Variants in NRIP1 observed in about 807,000 individuals in gnomAD.
NRIP1 encodes the protein nuclear receptor-interacting protein 1.
NRIP1 carries 28 observed loss-of-function variants against 75.0 expected under a neutral mutation model. That is an observed-to-expected ratio of 0.37 (90% confidence interval 0.28 to 0.51). NRIP1 has a LOEUF of 0.51. Ranked by LOEUF, NRIP1 falls within the 20% of genes least tolerant of loss-of-function variation. NRIP1 has a pLI of 0.92. For synonymous variants in NRIP1, 526 were observed against 487.6 expected (o/e 1.08, Z -1.04); for missense variants, 1,435 against 1,343.7 (o/e 1.07, Z -1.06).
chr21:15,059,481 T>TA (rs2089377601), intron 1 of NRIP1, among the ~76,000 whole-genome samples: 1 of 152,038 alleles, frequency 6.6e-6, no homozygotes, highest in African/African-American at 2.4e-5. Flanking sequence ...TTACTATTAT[T>TA]ATTTTTTTTT....
intron 3 of NRIP1, among the ~76,000 whole-genome samples, chr21:15,000,648 A>G (rs547243246): frequency 4.6e-5 from 7 of 152,290 alleles, no homozygotes; most frequent in African/African-American, 1.7e-4. Context: ...AACTGTAAGT[A>G]AAAAGAGTTT....
intron 3 of NRIP1, among the ~76,000 whole-genome samples, chr21:15,012,447 CTTTTT>C (rs869160226): frequency 0.098 from 7,781 of 79,034 alleles, 156 homozygotes; most frequent in African/African-American, 0.23. Context: ...ATTATAATGT[CTTTTT>C]TTTTTTTTTT....
chr21:15,064,538 C>T (rs1162447682), intron 1 of NRIP1, among the ~76,000 whole-genome samples: 4 of 151,938 alleles, frequency 2.6e-5, no homozygotes, highest in Non-Finnish European at 5.9e-5. Context: ...AACTTGCCGG[C>T]CCGCCGCCCC....
chr21:14,993,668 C>G (rs958017530), intron 3 of NRIP1, among the ~76,000 whole-genome samples: 1 of 151,680 alleles, frequency 6.6e-6, no homozygotes, highest in Non-Finnish European at 1.5e-5. Context: ...GCCTGTTGTC[C>G]CAGCTTCTTG....
chr21:14,970,550 CAAACA>C (rs1457893143), intron 3 of NRIP1, among the ~76,000 whole-genome samples: 1 of 152,060 alleles, frequency 6.6e-6, no homozygotes, highest in African/African-American at 2.4e-5. Context: ...TATCTCAAAA[CAAACA>C]AAACAAAAAT....
chr21:14,993,970 A>T (rs2087644334), intron 3 of NRIP1, among the ~76,000 whole-genome samples: 1 of 152,158 alleles, frequency 6.6e-6, no homozygotes, highest in Admixed American at 6.5e-5. Context: ...TTCCTGACAG[A>T]TTCTGACATC....
chr21:14,988,497 A>ATGTGTGTGTGTG (rs1370123141), intron 3 of NRIP1, among the ~76,000 whole-genome samples: 2 of 141,784 alleles, frequency 1.4e-5, no homozygotes, highest in South Asian at 2.2e-4. Context: ...TAGTATATAT[A>ATGTGTGTGTGTG]TATGTGTGTG....
intron 2 of NRIP1, among the ~76,000 whole-genome samples, chr21:15,037,797 GTCTTA>G (rs1177952417): frequency 6.6e-6 from 1 of 152,138 alleles, no homozygotes; most frequent in Non-Finnish European, 1.5e-5. Flanking sequence ...AATAGGACTT[GTCTTA>G]TCTTGTGAGC....
intron 3 of NRIP1, among the ~76,000 whole-genome samples, chr21:14,996,290 T>C (rs1003396645): frequency 4.6e-5 from 7 of 152,304 alleles, no homozygotes; most frequent in Admixed American, 2.0e-4. Context: ...ATGTGGCTTG[T>C]GGCTCGTAGC....
chr21:15,019,792 A>T (rs1470406798), intron 2 of NRIP1, among the ~76,000 whole-genome samples: 1 of 151,868 alleles, frequency 6.6e-6, no homozygotes, highest in Non-Finnish European at 1.5e-5. Flanking sequence ...CTGGCCATTA[A>T]ATTTATTCTT....
In NRIP1 at chr21:14,962,126, A is replaced by G. The variant is rs775112584; in HGVS notation, c.*2590T>C. 5.3e-5 allele frequency: 8 copies of G among 150,660 alleles called. No individual in the cohort carries two copies. Among genetic ancestry groups the G allele is most frequent in the Non-Finnish European group, 1.0e-4 (7 of 67,542 alleles). The allele number at this position is 150,660 out of a possible 1,614,324, so 9.3% of individuals were successfully genotyped here. A position where few individuals can be genotyped will look rare whatever the true frequency, so the allele number is the denominator to read the frequency against. ...AATGAATGCTACCTTACTGATGTCA[A>G]TAAGCTGTAGTACCCTTTCACAAAT... On this transcript the variant is annotated 3_prime_UTR_variant, in exon 4 of 4. Transcript: ENST00000318948.
intron 3 of NRIP1, among the ~76,000 whole-genome samples, chr21:14,979,238 ATC>A (rs1167277002): frequency 4.6e-5 from 7 of 152,200 alleles, no homozygotes; most frequent in Non-Finnish European, 1.5e-5. Flanking sequence ...GGTGCTTTCT[ATC>A]AGTTTTCAAG....
Position 14,965,214 on chromosome 21 carries a change from A to G in NRIP1, c.2979T>C (p.Ser993=). The change falls in exon 4 of 4, where the codon AGT becomes AGC. Residue 993 remains serine (S), a synonymous_variant. Transcript: ENST00000318948. ...GLMYSSTQPS[S]CMDNRTFSYP... Reference sequence around the variant, plus strand: ...ATGAAAATGTCCTGTTATCCATGCAACTGCTGGGCTGAGTGGAACTGTACA... The same window carrying G: ...ATGAAAATGTCCTGTTATCCATGCAGCTGCTGGGCTGAGTGGAACTGTACA... The G allele has an allele frequency of 6.2e-7, 1 of 1,613,930 alleles. No homozygotes were observed.
At chr21:14,973,844 T>C (rs1413730538) in intron 3 of NRIP1, among the ~76,000 whole-genome samples, 1 of 15,626 alleles carries the variant, frequency 6.4e-5, no homozygotes. Context: ...GCAGAGCTGA[T>C]TTTTTTTTTT....
chr21:15,047,979 C>T (rs540939304), intron 1 of NRIP1, among the ~76,000 whole-genome samples: 33 of 152,124 alleles, frequency 2.2e-4, no homozygotes, highest in African/African-American at 7.7e-4. Context: ...TATTAATTGG[C>T]CTAATTTCAA....
chr21:14,994,627 A>C (rs1358606998), intron 3 of NRIP1, among the ~76,000 whole-genome samples: 1 of 152,148 alleles, frequency 6.6e-6, no homozygotes, highest in African/African-American at 2.4e-5. Flanking sequence ...TTACAGTGAA[A>C]AACATTGTTG....
chr21:15,062,582 A>G (rs1325387767), intron 1 of NRIP1, among the ~76,000 whole-genome samples: 1 of 152,266 alleles, frequency 6.6e-6, no homozygotes, highest in Non-Finnish European at 1.5e-5. Context: ...TTTCAATTCT[A>G]AAGGTGGCAC....
At chr21:15,047,504 C>T (rs2046763153) in intron 1 of NRIP1, among the ~76,000 whole-genome samples, 1 of 152,176 alleles carries the variant, frequency 6.6e-6, no homozygotes, top group Non-Finnish European at 1.5e-5. Flanking sequence ...CGCGCCACTG[C>T]ACTCCAGCCT....
chr21:15,048,846 G>A (rs2089142889), intron 1 of NRIP1, among the ~76,000 whole-genome samples: 1 of 152,188 alleles, frequency 6.6e-6, no homozygotes, highest in South Asian at 2.1e-4. Context: ...ATTTACCAAG[G>A]AGAAATGATC....
Sources: gnomAD v4.1 joint callset for allele counts (sites outside exome capture counted in the v4.1 genomes callset) on GRCh38, gnomAD v4.1.1 for gene constraint, MANE v1.5 for transcripts, NCBI Gene and HGNC (gene_info 2026-07-23, HGNC 2026-07-21) for gene names.